The following PPP2R2C variants were observed in gnomAD, a reference collection of about 807,000 sequenced individuals.
PPP2R2C encodes protein phosphatase 2, regulatory subunit B, gamma.
In PPP2R2C, 10 loss-of-function variants were observed where a neutral mutation model predicts 45.3. The ratio of observed to expected loss-of-function variants is 0.22; its 90% confidence interval spans 0.14 to 0.37. The LOEUF is 0.37. Ranked by LOEUF, PPP2R2C falls within the 10% of genes least tolerant of loss-of-function variation. The pLI is 1.00. For missense variants in PPP2R2C, 308 were observed against 619.7 expected (o/e 0.50, Z 5.34); for synonymous variants, 257 against 245.4 (o/e 1.05, Z -0.44).
chr4:6,534,611 C>G (rs1157515873), intron 2 of PPP2R2C, among the ~76,000 whole-genome samples: 1 of 151,938 alleles, frequency 6.6e-6, no homozygotes, highest in Non-Finnish European at 1.5e-5. Context: ...ACACACACAT[C>G]AACACATACA....
rs931754646 is a variant in PPP2R2C at position 6,368,248 on chromosome 4, A to G, written c.625+4275T>C. ...TTGGCAAAAACCACACCCCTGGCTT[A>G]CCCTCCACCGACCTGAGGCCTGCAG... On this transcript the variant is annotated intron_variant, in intron 5 of 8. Coordinates refer to ENST00000382599, the MANE Select transcript of PPP2R2C (RefSeq NM_020416.4). The surrounding 1 kb of genome is among the most constrained non-coding windows in gnomAD (Gnocchi z 4.2). 1.3e-5 allele frequency among the ~76,000 whole-genome samples: 2 copies of G among 152,068 alleles called. No individual in the cohort carries two copies. The highest frequency in any genetic ancestry group is 2.9e-5 in the Non-Finnish European group (2 of 68,006).
intron 2 of PPP2R2C, among the ~76,000 whole-genome samples, chr4:6,534,707 C>A (rs1041160495): frequency 6.6e-6 from 1 of 152,272 alleles, no homozygotes; most frequent in East Asian, 1.9e-4. Flanking sequence ...CACACTCCCT[C>A]GGGCGCCTTC....
chr4:6,350,190 C>G (rs972625125), intron 5 of PPP2R2C: 2 of 985,308 alleles, frequency 2.0e-6, no homozygotes, highest in Non-Finnish European at 2.4e-6. Flanking sequence ...GAAGGCCAAG[C>G]AAGAAAAGAG....
Position 6,345,146 on chromosome 4 carries a change from C to G in PPP2R2C, c.790+2700G>C, listed in dbSNP as rs1208900722. Among the ~76,000 whole-genome samples, 1 of 152,152 alleles carries G rather than the reference C, an allele frequency of 6.6e-6. No individual in the cohort carries two copies. Among genetic ancestry groups the G allele is most frequent in the Admixed American group, 6.5e-5 (1 of 15,278 alleles). Reference sequence around the variant, plus strand: ...TAAACAACAGGGTGCCAATGAAGCCCCATCCTCCTTCCCACAGGGCTCACA... The same window carrying G: ...TAAACAACAGGGTGCCAATGAAGCCGCATCCTCCTTCCCACAGGGCTCACA... On this transcript the variant is annotated intron_variant, in intron 6 of 8. Transcript: ENST00000382599. This position sits in a 1 kb window ranked among gnomAD's most constrained non-coding sequence, Gnocchi z 5.3.
chr4:6,417,536 C>T (rs1428783632), intron 1 of PPP2R2C, among the ~76,000 whole-genome samples: 2 of 152,248 alleles, frequency 1.3e-5, no homozygotes, highest in South Asian at 4.1e-4. Context: ...ATCCCAAAGA[C>T]ATCACGGGGC....
chr4:6,397,717 C>T (rs749177608), intron 1 of PPP2R2C, among the ~76,000 whole-genome samples: 55 of 152,224 alleles, frequency 3.6e-4, no homozygotes, highest in Non-Finnish European at 6.8e-4. Context: ...GTTACTCATC[C>T]TCTCCGAACC....
chr4:6,525,078 A>G (rs1485458813), intron 2 of PPP2R2C, among the ~76,000 whole-genome samples: 1 of 151,534 alleles, frequency 6.6e-6, no homozygotes, highest in Admixed American at 6.6e-5. Context: ...AGGGTGAGAC[A>G]CTCTCTCCAA....
intron 5 of PPP2R2C, among the ~76,000 whole-genome samples, chr4:6,357,956 T>C (rs1048697947): frequency 2.6e-5 from 4 of 152,208 alleles, no homozygotes; most frequent in African/African-American, 9.7e-5. Context: ...AAGCTACTAA[T>C]GACTTTCTTC....
chr4:6,419,548 G>T (rs191724073), intron 1 of PPP2R2C, among the ~76,000 whole-genome samples: 11 of 152,300 alleles, frequency 7.2e-5, no homozygotes, highest in Non-Finnish European at 1.5e-4. Context: ...AATCGAACTT[G>T]CTCTGAGCCC....
intron 1 of PPP2R2C, among the ~76,000 whole-genome samples, chr4:6,424,819 CAG>C (rs1372825827): frequency 6.6e-6 from 1 of 152,184 alleles, no homozygotes; most frequent in Non-Finnish European, 1.5e-5. Context: ...CCTCACTGCT[CAG>C]AGTCTATTTC....
intron 1 of PPP2R2C, among the ~76,000 whole-genome samples, chr4:6,469,195 C>T (rs1273700106): frequency 6.6e-6 from 1 of 151,322 alleles, no homozygotes; most frequent in South Asian, 2.1e-4. Context: ...TTACAAGAGA[C>T]TCAGGAACCC....
intron 1 of PPP2R2C, among the ~76,000 whole-genome samples, chr4:6,463,960 C>T (rs1270193114): frequency 6.6e-6 from 1 of 152,198 alleles, no homozygotes; most frequent in Admixed American, 6.5e-5. Flanking sequence ...CAGAACTGAA[C>T]AGGCCACCTA....
intron 2 of PPP2R2C, among the ~76,000 whole-genome samples, chr4:6,524,004 C>T (rs1324298366): frequency 1.3e-5 from 2 of 152,124 alleles, no homozygotes; most frequent in Non-Finnish European, 2.9e-5. Context: ...ACCTCCGCCT[C>T]CCAGGTTGAA....
rs1189237529 is a variant in PPP2R2C, at chr4:6,383,994, A to G, written c.71-2900T>C. The G allele has an allele frequency of 1.5e-5, 15 of 985,876 alleles. No homozygotes were observed. In the East Asian group the frequency reaches 1.7e-3, roughly 112 times the overall value. 61.1% of individuals were successfully genotyped at this position (985,876 alleles called of 1,614,324 possible). A position where few individuals can be genotyped will look rare whatever the true frequency, so the allele number is the denominator to read the frequency against. On this transcript the variant is annotated intron_variant, in intron 1 of 8. Transcript: ENST00000382599. ...ACGGGCTGGACGTATCCATCCATCC[A>G]TCAAGACAGATGCACATGTCACTGA...
chr4:6,401,836 G>A (rs181010088), intron 1 of PPP2R2C, among the ~76,000 whole-genome samples: 1 of 152,258 alleles, frequency 6.6e-6, no homozygotes, highest in Admixed American at 6.5e-5. Flanking sequence ...TGGGAGAGGG[G>A]GGGTATCTGC....
rs111898900 is a variant in PPP2R2C, at chr4:6,479,119, G to A, written c.49+56152C>T. Among the ~76,000 whole-genome samples the A allele has an allele frequency of 1.3e-4, 20 of 152,242 alleles. 1 individual carries two copies. The highest frequency in any genetic ancestry group is 4.8e-4 in the African/African-American group (20 of 41,548). On this transcript the variant is annotated intron_variant, in intron 2 of 9. Transcript: ENST00000506140. ...GACCCACTTTACAAATGAACAAACC[G>A]CACCTTTCTCCCAAGTTACTCAGCT...
At chr4:6,502,181 AG>A (rs1268423532) in intron 2 of PPP2R2C, among the ~76,000 whole-genome samples, 14 of 152,210 alleles carry the variant, frequency 9.2e-5, no homozygotes, top group Non-Finnish European at 1.8e-4. Flanking sequence ...AGAGCCCCTC[AG>A]GGTGGGGTAA....
intron 1 of PPP2R2C, among the ~76,000 whole-genome samples, chr4:6,436,945 C>T (rs1317179679): frequency 6.6e-6 from 1 of 152,140 alleles, no homozygotes; most frequent in African/African-American, 2.4e-5. Flanking sequence ...TGGGCTTTGA[C>T]CCAAATGATG....
chr4:6,470,416 G>A (rs1299119079), intron 1 of PPP2R2C, among the ~76,000 whole-genome samples: 5 of 152,216 alleles, frequency 3.3e-5, no homozygotes, highest in African/African-American at 9.6e-5. Flanking sequence ...GCAGGGTGCA[G>A]AGGGAATTAA....
Sources: gnomAD v4.1 joint callset for allele counts (sites outside exome capture counted in the v4.1 genomes callset) on GRCh38, gnomAD v4.1.1 for gene constraint, Gnocchi (gnomAD v3.1) non-coding constraint, MANE v1.5 for transcripts, NCBI Gene and HGNC (gene_info 2026-07-23, HGNC 2026-07-21) for gene names.